Variants in ACOX3 observed in about 807,000 individuals in gnomAD.
ACOX3 encodes acyl-CoA oxidase 3, pristanoyl, also known as peroxisomal acyl-coenzyme A oxidase 3.
ACOX3 carries 73 observed loss-of-function variants against 81.5 expected under a neutral mutation model. The ratio of observed to expected loss-of-function variants is 0.90; its 90% CI spans 0.74 to 1.09. The LOEUF is 1.09. ACOX3 is among the 50% of genes least tolerant of loss of function. ACOX3 has a pLI of 0.00. For missense variants in ACOX3, 947 were observed against 928.0 expected, an observed-to-expected ratio of 1.02 and a Z score of -0.27; for synonymous variants, 387 against 375.1, an observed-to-expected ratio of 1.03 and a Z score of -0.37.
chr4:8,360,184 A>G, the ACOX3 span, among the ~76,000 whole-genome samples: 1 of 152,222 alleles, frequency 6.6e-6, no homozygotes, highest in Non-Finnish European at 1.5e-5. Context: ...GGCTTGGAAA[A>G]TAAGTTCTTT....
rs1210761915 is a variant in ACOX3, at chr4:8,419,576, A to G, written c.-14-3041T>C. ...CTGGAGAACAGTGTGGCAGTTCCAC[A>G]AGTGATTAAACATGGAGTGACCACA... On this transcript the variant is annotated intron_variant, in intron 1 of 17. Transcript: ENST00000356406. The surrounding 1 kb of genome is among the most constrained non-coding windows in gnomAD (Gnocchi z 4.2). Among the ~76,000 whole-genome samples the G allele has an allele frequency of 6.6e-6, 1 of 152,216 alleles. No individual in the cohort carries two copies. Among genetic ancestry groups the G allele is most frequent in the East Asian group, 1.9e-4 (1 of 5,202 alleles).
chr4:8,403,519 C>T (rs1326810731), intron 7 of ACOX3, among the ~76,000 whole-genome samples: 1 of 152,226 alleles, frequency 6.6e-6, no homozygotes, highest in Non-Finnish European at 1.5e-5. Flanking sequence ...ATCCCTGTCA[C>T]CCTGCAGAGA....
In ACOX3 at chr4:8,400,590, T is replaced by C. The variant is rs1264997001; in HGVS notation, c.777-938A>G. Among the ~76,000 whole-genome samples, 2 of 152,232 alleles carry C rather than the reference T, an allele frequency of 1.3e-5. No homozygotes were observed. Among genetic ancestry groups the C allele is most frequent in the African/African-American group, 4.8e-5 (2 of 41,468 alleles). ...TATTAATAACCAAAGATACCTGTTA[T>C]GGTTGTCTGGTCAGGAAAACCTATT... On this transcript the variant is annotated intron_variant, in intron 7 of 17. Coordinates refer to ENST00000356406, the MANE Select transcript of ACOX3 (RefSeq NM_003501.3). The surrounding 1 kb of genome is among the most constrained non-coding windows in gnomAD (Gnocchi z 4.4).
At chr4:8,356,737 AAG>A in the ACOX3 span, 1 of 456,588 alleles carries the variant, frequency 2.2e-6, no homozygotes, top group African/African-American at 2.0e-5. Context: ...AGGCGAGAGG[AAG>A]AAAGTGTGCA....
chr4:8,435,240 C>T (rs994636428), intron 1 of ACOX3, among the ~76,000 whole-genome samples: 2 of 152,174 alleles, frequency 1.3e-5, no homozygotes, highest in African/African-American at 4.8e-5. Context: ...CCTATAATCC[C>T]AGCACTTTGG....
chr4:8,410,082 G>A, intron 6 of ACOX3, 130 bp downstream of exon 6: 2 of 1,235,706 alleles, frequency 1.6e-6, no homozygotes, highest in Non-Finnish European at 2.2e-6. Flanking sequence ...GTCCTGGGCA[G>A]TGTCCCTGGT....
chr4:8,377,731 G>A (rs769535029), intron 14 of ACOX3, among the ~76,000 whole-genome samples: 4 of 152,214 alleles, frequency 2.6e-5, no homozygotes, highest in Non-Finnish European at 5.9e-5. Context: ...ATGGCAACCA[G>A]CAGAGCTGAC....
chr4:8,402,013 C>T (rs1720425495), intron 7 of ACOX3, among the ~76,000 whole-genome samples: 1 of 152,206 alleles, frequency 6.6e-6, no homozygotes, highest in African/African-American at 2.4e-5. Flanking sequence ...GAGGGGGCCA[C>T]CGTGCATGGG....
At chr4:8,357,932 T>C in the ACOX3 span, 1 of 154,498 alleles carries the variant, frequency 6.5e-6, no homozygotes, top group Non-Finnish European at 1.4e-5. Flanking sequence ...GAAAAACCAG[T>C]TCAGGCCATG....
At chr4:8,372,701 A>G (rs1716374081) in intron 16 of ACOX3, among the ~76,000 whole-genome samples, 1 of 152,226 alleles carries the variant, frequency 6.6e-6, no homozygotes, top group East Asian at 1.9e-4. Context: ...AGTCACAGGG[A>G]CGTTCCACTG....
chr4:8,374,703 C>T (rs1046839622), intron 15 of ACOX3: 8 of 356,560 alleles, frequency 2.2e-5, no homozygotes, highest in African/African-American at 1.4e-4. Context: ...CTGCAGAGCC[C>T]GGCAGGCTGC....
At position 8,414,807 on chromosome 4, in the gene ACOX3, T is replaced by C. The variant is rs747491843; in HGVS notation, c.453+47A>G. 2 of 1,573,142 alleles carry C rather than the reference T, an allele frequency of 1.3e-6. No individual in the cohort carries two copies. Among genetic ancestry groups the C allele is most frequent in the Non-Finnish European group, 1.8e-6 (2 of 1,142,740 alleles). On this transcript the variant is annotated intron_variant, in intron 4 of 17. Coordinates refer to ENST00000356406, the MANE Select transcript of ACOX3 (RefSeq NM_003501.3). The surrounding 1 kb of genome is among the most constrained non-coding windows in gnomAD (Gnocchi z 6.1). ...CTCTTTTCACAAATCTCTACAGAGA[T>C]CAAGCAAGAGAACCAGGCTCACAAT...
In ACOX3 at chr4:8,384,618, G is replaced by A. The variant is rs770864412; in HGVS notation, c.1538-3011C>T. 6.6e-6 allele frequency among the ~76,000 whole-genome samples: 1 copy of A among 152,072 alleles called. No homozygotes were observed. The stretch of plus-strand genomic sequence containing the variant: ...CCTGTGCACCCAATGACTGCCCCTC[G>A]ATCTGCCCCCTCCCCAGCTGGGGCT... On this transcript the variant is annotated intron_variant, in intron 13 of 17. Coordinates refer to ENST00000356406, the MANE Select transcript of ACOX3 (RefSeq NM_003501.3). This position sits in a 1 kb window ranked among gnomAD's most constrained non-coding sequence, Gnocchi z 5.3.
At position 8,416,098 on chromosome 4, in the gene ACOX3, C is replaced by T; in HGVS notation, c.145-99G>A. 1.6e-6 allele frequency: 2 copies of T among 1,242,554 alleles called. No individual in the cohort carries two copies. The highest frequency in any genetic ancestry group is 1.2e-6 in the Non-Finnish European group (1 of 869,166). 77.0% of individuals were successfully genotyped at this position (1,242,554 alleles called of 1,614,324 possible). On this transcript the variant is annotated intron_variant, in intron 2 of 17. Transcript: ENST00000356406. This position sits in a 1 kb window ranked among gnomAD's most constrained non-coding sequence, Gnocchi z 4.2. ...CCTCCAGGCCACAGGCTTCATGGGA[C>T]ACAGTCTGACCCGGAGACACCCAGA... is the stretch of plus-strand genomic sequence containing the variant.
Position 8,423,679 on chromosome 4 carries a change from C to T in ACOX3, c.-14-7144G>A, listed in dbSNP as rs570116123. On this transcript the variant is annotated intron_variant, in intron 1 of 17. Transcript: ENST00000356406. The surrounding 1 kb of genome is among the most constrained non-coding windows in gnomAD (Gnocchi z 4.2). ...TGTACCTAATCTTATACTCACTCTG[C>T]TTTCCCAAATACCAGAGGAAGCAGA... Among the ~76,000 whole-genome samples the T allele has an allele frequency of 4.6e-4, 70 of 152,336 alleles. No individual in the cohort carries two copies. The highest frequency in any genetic ancestry group is 1.6e-3 in the African/African-American group (65 of 41,584).
At position 8,394,360 on chromosome 4, in the gene ACOX3, A is replaced by G. The variant is rs140343830; in HGVS notation, c.1179+260T>C. On this transcript the variant is annotated intron_variant, in intron 10 of 17. Coordinates refer to ENST00000356406, the MANE Select transcript of ACOX3 (RefSeq NM_003501.3). This position sits in a 1 kb window ranked among gnomAD's most constrained non-coding sequence, Gnocchi z 5.9. Reference sequence around the variant, plus strand: ...TTTTGCAAAACCGTCATGTTCTCAAAAGGAGACCAACAGCTGAACTCACAG... The same window carrying G: ...TTTTGCAAAACCGTCATGTTCTCAAGAGGAGACCAACAGCTGAACTCACAG... Among the ~76,000 whole-genome samples the G allele has an allele frequency of 1.6e-3, 249 of 152,308 alleles. 2 individuals are homozygous for G. The highest frequency in any genetic ancestry group is 2.3e-3 in the Non-Finnish European group (159 of 68,022).
chr4:8,374,713 C>T (rs533840461), intron 15 of ACOX3: 2 of 370,550 alleles, frequency 5.4e-6, no homozygotes, highest in Non-Finnish European at 9.7e-6. Flanking sequence ...CGGCAGGCTG[C>T]CTGGCATGAG....
At position 8,423,578 on chromosome 4, in the gene ACOX3, A is replaced by G. The variant is rs1723173067; in HGVS notation, c.-14-7043T>C. On this transcript the variant is annotated intron_variant, in intron 1 of 17. Transcript: ENST00000356406. This position sits in a 1 kb window ranked among gnomAD's most constrained non-coding sequence, Gnocchi z 4.2. Reference sequence around the variant, plus strand: ...TGCAATACTCCAATTTTAGGAGTACAGAAACCCAATGGACAGTGGAGGTTA... The same window carrying G: ...TGCAATACTCCAATTTTAGGAGTACGGAAACCCAATGGACAGTGGAGGTTA... 6.6e-6 allele frequency among the ~76,000 whole-genome samples: 1 copy of G among 152,190 alleles called. No individual in the cohort carries two copies. Among genetic ancestry groups the G allele is most frequent in the Non-Finnish European group, 1.5e-5 (1 of 68,038 alleles).
At chr4:8,411,495 G>A (rs530386344) in intron 5 of ACOX3, among the ~76,000 whole-genome samples, 14 of 152,214 alleles carry the variant, frequency 9.2e-5, no homozygotes, top group Non-Finnish European at 1.9e-4. Flanking sequence ...CTTCGCCTGC[G>A]AGGGTAAGGA....
Sources: gnomAD v4.1 joint callset for allele counts (sites outside exome capture counted in the v4.1 genomes callset) on GRCh38, gnomAD v4.1.1 for gene constraint, Gnocchi (gnomAD v3.1) non-coding constraint, MANE v1.5 for transcripts, NCBI Gene and HGNC (gene_info 2026-07-23, HGNC 2026-07-21) for gene names.